SLMAP: variants seen among roughly 807,000 people sequenced by gnomAD.
The protein encoded by SLMAP is sarcolemmal membrane-associated protein.
SLMAP carries 44 observed loss-of-function variants against 128.8 expected under a neutral mutation model. That is an observed-to-expected ratio of 0.34 (90% CI 0.27 to 0.44). The LOEUF is 0.44. Ranked by LOEUF, SLMAP falls within the 20% of genes least tolerant of loss-of-function variation. SLMAP has a pLI of 1.00. For synonymous variants in SLMAP, 327 were observed against 348.8 expected, an observed-to-expected ratio of 0.94 and a Z score of 0.70; for missense variants, 787 against 985.3, an observed-to-expected ratio of 0.80 and a Z score of 2.69.
intron 2 of SLMAP, among the ~76,000 whole-genome samples, chr3:57,777,875 C>T (rs1033270018): frequency 5.9e-5 from 9 of 152,102 alleles, no homozygotes; most frequent in Admixed American, 1.3e-4. Context: ...TGAGTGATAC[C>T]GTAGAGCAGT....
chr3:57,903,131 A>G (rs553249650), intron 17 of SLMAP, among the ~76,000 whole-genome samples: 6 of 152,314 alleles, frequency 3.9e-5, no homozygotes, highest in African/African-American at 9.6e-5. Context: ...GAAAAGAACA[A>G]TGGTGAAAGT....
At chr3:57,801,971 AT>A (rs951478566) in intron 2 of SLMAP, among the ~76,000 whole-genome samples, 25 of 152,188 alleles carry the variant, frequency 1.6e-4, no homozygotes, top group African/African-American at 5.8e-4. Context: ...AAATTTTTAT[AT>A]TTCAAGGTTA....
At chr3:57,830,530 T>G (rs886658028) in intron 2 of SLMAP, among the ~76,000 whole-genome samples, 8 of 152,202 alleles carry the variant, frequency 5.3e-5, no homozygotes, top group African/African-American at 1.9e-4. Flanking sequence ...GTAAGTCTAT[T>G]GTGTGTGATC....
At chr3:57,763,002 G>A (rs2078996670) in intron 2 of SLMAP, among the ~76,000 whole-genome samples, 1 of 152,174 alleles carries the variant, frequency 6.6e-6, no homozygotes, top group South Asian at 2.1e-4. Flanking sequence ...AGGATTACAA[G>A]TGTGAGCCAC....
intron 23 of SLMAP, among the ~76,000 whole-genome samples, chr3:57,924,811 T>A (rs1343416329): frequency 6.6e-6 from 1 of 151,828 alleles, no homozygotes; most frequent in Non-Finnish European, 1.5e-5. Flanking sequence ...AAAAAAAAAA[T>A]TTGTTAGAGG....
At chr3:57,908,070 C>G in intron 18 of SLMAP, 64 bp downstream of exon 18, 1 of 1,528,220 alleles carries the variant, frequency 6.5e-7, no homozygotes, top group Non-Finnish European at 8.9e-7. Context: ...AATTGGGTGG[C>G]CCCAAACTTG....
At chr3:57,775,506 GTACAAAAAAAA>G in intron 2 of SLMAP, among the ~76,000 whole-genome samples, 1 of 75,484 alleles carries the variant, frequency 1.3e-5, no homozygotes, top group African/African-American at 6.3e-5. Flanking sequence ...AACCCTGTTG[GTACAAAAAAAA>G]AAAAAAAAAA....
intron 14 of SLMAP, among the ~76,000 whole-genome samples, chr3:57,873,170 A>G (rs1237065858): frequency 6.6e-6 from 1 of 152,216 alleles, no homozygotes; most frequent in African/African-American, 2.4e-5. Flanking sequence ...ACTTAGAGAC[A>G]ATTTATTTAA....
chr3:57,757,460 A>T lies in SLMAP; in HGVS notation c.-192A>T, dbSNP rs1014934050. On this transcript the variant is annotated 5_prime_UTR_variant, in exon 2 of 25. An upstream start codon of the reference 5' UTR is lost. Transcript: ENST00000671191. Reference sequence around the variant, plus strand: ...GCGTTGCAGCGTTTTAAAGGAGGTGATGGGGCTTGCGCTGGCTTGTCTTCC... The same window carrying T: ...GCGTTGCAGCGTTTTAAAGGAGGTGTTGGGGCTTGCGCTGGCTTGTCTTCC... 4 of 609,046 alleles carry T rather than the reference A, an allele frequency of 6.6e-6. No individual in the cohort carries two copies. Among genetic ancestry groups the T allele is most frequent in the African/African-American group, 5.5e-5 (3 of 54,060 alleles). 37.7% of individuals were successfully genotyped at this position (609,046 alleles called of 1,614,324 possible).
At chr3:57,816,166 C>G (rs547665065) in intron 2 of SLMAP, among the ~76,000 whole-genome samples, 1 of 150,736 alleles carries the variant, frequency 6.6e-6, no homozygotes, top group Admixed American at 6.6e-5. Context: ...TGTTTTGAGA[C>G]GGAGTCTTAC....
chr3:57,783,744 A>G (rs1254167120), intron 2 of SLMAP, among the ~76,000 whole-genome samples: 1 of 152,142 alleles, frequency 6.6e-6, no homozygotes, highest in East Asian at 1.9e-4. Flanking sequence ...AAATGGGAGA[A>G]TGACTCTGAA....
chr3:57,844,188 T>G (rs2094126490), intron 4 of SLMAP, among the ~76,000 whole-genome samples: 1 of 151,782 alleles, frequency 6.6e-6, no homozygotes, highest in Admixed American at 6.6e-5. Context: ...AGCTCAGGAG[T>G]TTGAGACTAG....
chr3:57,904,157 G>A (rs528803437), intron 17 of SLMAP, among the ~76,000 whole-genome samples: 1 of 150,466 alleles, frequency 6.6e-6, no homozygotes, highest in South Asian at 2.1e-4. Context: ...GTGTTTATTA[G>A]GCTTAATTTG....
chr3:57,762,024 G>A lies in SLMAP; in HGVS notation c.198+4175G>A, dbSNP rs562240540. Among the ~76,000 whole-genome samples the A allele has an allele frequency of 2.9e-3, 417 of 146,078 alleles. 1 individual carries two copies. Among genetic ancestry groups the A allele is most frequent in the Non-Finnish European group, 5.1e-3 (337 of 66,290 alleles). On this transcript the variant is annotated intron_variant, in intron 2 of 24. Coordinates refer to ENST00000671191, the MANE Select transcript of SLMAP (RefSeq NM_001377540.1). ...ATTGCGCCACTGCAGTCCGCAGTCC[G>A]GCCTGGGCGACAGAGCGAGACTCCG...
rs147578330 is a variant in SLMAP, at chr3:57,892,461, C to G, written c.1360+2361C>G. On this transcript the variant is annotated intron_variant, in intron 15 of 24. Coordinates refer to ENST00000671191, the MANE Select transcript of SLMAP (RefSeq NM_001377540.1). ...AGAATATGTGTAGATAATTCTACCA[C>G]TAACTAGCTGTACACCCTCAGGCAA... is the stretch of plus-strand genomic sequence containing the variant. 1.1e-3 allele frequency among the ~76,000 whole-genome samples: 168 copies of G among 152,108 alleles called. No homozygotes were observed. The Middle Eastern group carries it at 0.014, about 12-fold the overall frequency.
rs759948558 is a variant in SLMAP, at chr3:57,764,501, C to CAA, written c.198+6662_198+6663dup. Among the ~76,000 whole-genome samples the CAA allele has an allele frequency of 1.0e-3, 105 of 103,248 alleles. 1 individual carries two copies. The highest frequency in any genetic ancestry group is 8.7e-3 in the South Asian group (26 of 2,978). The allele number at this position is 103,248 out of a possible 152,430, so 67.7% of individuals were successfully genotyped here. Reference sequence around the variant, plus strand: ...TGGGCAACAGAGGGAGACTGCATCTCAAAAAAAAAAAGAAAAGAAAAGAAA... The same window carrying CAA: ...TGGGCAACAGAGGGAGACTGCATCTCAAAAAAAAAAAAAGAAAAGAAAAGAAA... On this transcript the variant is annotated intron_variant, in intron 2 of 24. Coordinates refer to ENST00000671191, the MANE Select transcript of SLMAP (RefSeq NM_001377540.1).
At chr3:57,922,176 C>T (rs1358927491) in intron 22 of SLMAP, among the ~76,000 whole-genome samples, 1 of 152,168 alleles carries the variant, frequency 6.6e-6, no homozygotes, top group Non-Finnish European at 1.5e-5. Context: ...TACTTCAAGA[C>T]TAAAATAGCT....
intron 2 of SLMAP, among the ~76,000 whole-genome samples, chr3:57,814,374 C>G (rs966489170): frequency 5.3e-5 from 8 of 151,994 alleles, no homozygotes; most frequent in African/African-American, 1.2e-4. Context: ...CTCCTGGACT[C>G]AAGCAATGCG....
intron 2 of SLMAP, among the ~76,000 whole-genome samples, chr3:57,814,977 ACT>A (rs1219157771): frequency 2.0e-5 from 3 of 151,894 alleles, no homozygotes; most frequent in African/African-American, 4.8e-5. Flanking sequence ...ACAGAGCAAG[ACT>A]CTGTCTCAAA....
Sources: gnomAD v4.1 joint callset for allele counts (sites outside exome capture counted in the v4.1 genomes callset) on GRCh38, gnomAD v4.1.1 for gene constraint, MANE v1.5 for transcripts, NCBI Gene and HGNC (gene_info 2026-07-23, HGNC 2026-07-21) for gene names.